The following MAPKAP1 variants were observed in gnomAD, a reference collection of about 807,000 sequenced individuals.
MAPKAP1 encodes the protein target of rapamycin complex 2 subunit MAPKAP1.
MAPKAP1 carries 20 observed loss-of-function variants against 65.7 expected under a neutral mutation model. The ratio of observed to expected loss-of-function variants is 0.30; its 90% confidence interval spans 0.21 to 0.44. The LOEUF (loss-of-function observed/expected upper bound fraction) is 0.44. Ranked by LOEUF, MAPKAP1 falls within the 20% of genes least tolerant of loss-of-function variation. The probability of loss-of-function intolerance (pLI) is 1.00; values close to 1 mark genes in which losing one functional copy is unlikely to be tolerated. For missense variants in MAPKAP1, 423 were observed against 648.0 expected, an observed-to-expected ratio of 0.65 and a Z score of 3.77; for synonymous variants, 222 against 244.3, an observed-to-expected ratio of 0.91 and a Z score of 0.85.
intron 10 of MAPKAP1, among the ~76,000 whole-genome samples, chr9:125,467,349 A>C (rs768597579): frequency 2.8e-4 from 43 of 152,344 alleles, no homozygotes; most frequent in Non-Finnish European, 4.9e-4. Context: ...ACTTAACTGC[A>C]AAAGTATAAT....
At chr9:125,692,673 A>C (rs1835205464) in intron 1 of MAPKAP1, among the ~76,000 whole-genome samples, 1 of 152,212 alleles carries the variant, frequency 6.6e-6, no homozygotes, top group Admixed American at 6.5e-5. Flanking sequence ...TTTTTAAAAA[A>C]GAAAGGGGAT....
chr9:125,685,196 T>C (rs756563277), intron 1 of MAPKAP1, among the ~76,000 whole-genome samples: 5 of 151,962 alleles, frequency 3.3e-5, no homozygotes, highest in South Asian at 2.1e-4. Context: ...GTAAATTATA[T>C]AGTGAGTTAG....
intron 10 of MAPKAP1, among the ~76,000 whole-genome samples, chr9:125,458,939 G>C (rs1293188578): frequency 1.4e-5 from 1 of 71,244 alleles, no homozygotes; most frequent in Non-Finnish European, 2.6e-5. Context: ...CCTCCCGGAC[G>C]GGGTGGCTGC....
intron 1 of MAPKAP1, among the ~76,000 whole-genome samples, chr9:125,681,619 C>T (rs1199572422): frequency 6.6e-6 from 1 of 152,238 alleles, no homozygotes; most frequent in East Asian, 1.9e-4. Flanking sequence ...GATTCTCACA[C>T]TTCTCCACGG....
chr9:125,517,016 T>C lies in MAPKAP1; in HGVS notation c.959-10599A>G, dbSNP rs115503439. On this transcript the variant is annotated intron_variant, in intron 7 of 11. Coordinates refer to ENST00000265960, the MANE Select transcript of MAPKAP1 (RefSeq NM_001006617.3). ...CTTTCCGCATCTTCATAAAACTCTA[T>C]GCGGTAGGCCCTACAATAATCCCAC... Among the ~76,000 whole-genome samples, 1,115 of 152,310 alleles carry C rather than the reference T, an allele frequency of 7.3e-3. 18 individuals carry two copies. Among genetic ancestry groups the C allele is most frequent in the African/African-American group, 0.025 (1,038 of 41,566 alleles).
chr9:125,491,485 T>G (rs186548584), intron 8 of MAPKAP1, among the ~76,000 whole-genome samples: 1 of 151,992 alleles, frequency 6.6e-6, no homozygotes, highest in Admixed American at 6.6e-5. Flanking sequence ...TTCATAAAAT[T>G]TGTCATTTGG....
intron 5 of MAPKAP1, among the ~76,000 whole-genome samples, chr9:125,569,182 G>A (rs1831154203): frequency 6.6e-6 from 1 of 152,192 alleles, no homozygotes; most frequent in Non-Finnish European, 1.5e-5. Context: ...GCCCTTGGGG[G>A]CTTGACCTTT....
Position 125,672,586 on chromosome 9 carries a change from G to A in MAPKAP1, c.-12C>T. 1.2e-6 allele frequency: 2 copies of A among 1,612,298 alleles called. No individual in the cohort carries two copies. The highest frequency in any genetic ancestry group is 1.7e-6 in the Non-Finnish European group (2 of 1,178,554). On this transcript the variant is annotated 5_prime_UTR_variant, in exon 2 of 12. Transcript: ENST00000265960. The stretch of plus-strand genomic sequence containing the variant: ...TCCAAGAAGGCCATCCTTTCTGTGG[G>A]CCAATTTCCTTAAAAGGCTATTTTC...
Position 125,669,831 on chromosome 9 carries a change from AT to A in MAPKAP1, c.335del (p.Asn112IlefsTer9), listed in dbSNP as rs1220587283. 1 of 1,559,118 alleles carries A rather than the reference AT, an allele frequency of 6.4e-7. No individual in the cohort carries two copies. Among genetic ancestry groups the A allele is most frequent in the Non-Finnish European group, 8.8e-7 (1 of 1,138,550 alleles). On this transcript the variant is annotated frameshift_variant, in exon 3 of 12. Transcript: ENST00000265960. LOFTEE classifies it high-confidence loss of function. ...ATTTCCATTTACCTGATTGCTTAGA[AT>A]TTCTTTCTTTCCACTGAATATTTTT... Reference protein sequence around the residue: ...KCKNIQWKERNSKQSAQELKS... With the variant: ...KCKNIQWKERXSKQSAQELKS...
chr9:125,497,360 T>C lies in MAPKAP1; in HGVS notation c.1066+8950A>G, dbSNP rs76076857. Among the ~76,000 whole-genome samples, 400 of 152,338 alleles carry C rather than the reference T, an allele frequency of 2.6e-3. 12 individuals carry two copies. The East Asian group carries it at 0.031, about 12-fold the overall frequency. On this transcript the variant is annotated intron_variant, in intron 8 of 11. Coordinates refer to ENST00000265960, the MANE Select transcript of MAPKAP1 (RefSeq NM_001006617.3). ...GCTGAATTAATGTTTACAGAGCAAC[T>C]GAAGTCTCTCTCTACACCACCTTCT...
intron 9 of MAPKAP1, among the ~76,000 whole-genome samples, chr9:125,484,013 T>TA (rs1378447011): frequency 6.6e-6 from 1 of 152,158 alleles, no homozygotes; most frequent in Non-Finnish European, 1.5e-5. Context: ...AGTTCCAAAT[T>TA]ATATGACGAA....
At chr9:125,456,870 GAC>G (rs200347044) in intron 10 of MAPKAP1, among the ~76,000 whole-genome samples, 9,109 of 152,226 alleles carry the variant, frequency 0.06, 810 homozygotes, top group African/African-American at 0.2. Flanking sequence ...CAAACTGTAA[GAC>G]AGTAAATGTT....
intron 3 of MAPKAP1, among the ~76,000 whole-genome samples, chr9:125,664,223 T>A (rs1588051753): frequency 6.6e-6 from 1 of 151,460 alleles, no homozygotes; most frequent in African/African-American, 2.4e-5. Context: ...GGCGGGCACC[T>A]GTAATCCCAG....
chr9:125,577,212 C>T (rs1194979759), intron 5 of MAPKAP1, among the ~76,000 whole-genome samples: 15 of 151,846 alleles, frequency 9.9e-5, no homozygotes, highest in African/African-American at 2.4e-4. Flanking sequence ...CCGGCTGCCC[C>T]GTCTGAGAAA....
intron 4 of MAPKAP1, among the ~76,000 whole-genome samples, chr9:125,620,700 C>T (rs941634056): frequency 6.6e-6 from 1 of 152,082 alleles, no homozygotes; most frequent in South Asian, 2.1e-4. Context: ...AATTCTCTGG[C>T]ACTAACAGAG....
chr9:125,639,157 C>T (rs1483923564), intron 4 of MAPKAP1, among the ~76,000 whole-genome samples: 2 of 152,204 alleles, frequency 1.3e-5, no homozygotes, highest in African/African-American at 2.4e-5. Flanking sequence ...AGGAGAACTG[C>T]TTGAACCCAG....
At chr9:125,689,866 C>A (rs914368409) in intron 1 of MAPKAP1, among the ~76,000 whole-genome samples, 12 of 152,078 alleles carry the variant, frequency 7.9e-5, no homozygotes, top group Non-Finnish European at 1.2e-4. Flanking sequence ...GTGGGCGGGT[C>A]ACCTGAGGTC....
intron 5 of MAPKAP1, among the ~76,000 whole-genome samples, chr9:125,567,157 CCCACTGTGACCCCTGCCTA>C (rs1831083006): frequency 6.6e-6 from 1 of 152,164 alleles, no homozygotes; most frequent in South Asian, 2.1e-4. Flanking sequence ...TCTCTCAATC[CCCACTGTGACCCCTGCCTA>C]CCTCTCGGTC....
intron 7 of MAPKAP1, among the ~76,000 whole-genome samples, chr9:125,515,923 CTCTA>C (rs1295291219): frequency 6.6e-6 from 1 of 152,186 alleles, no homozygotes; most frequent in South Asian, 2.1e-4. Flanking sequence ...GCACTCTTTC[CTCTA>C]TCTAAGGCTT....
Sources: gnomAD v4.1 joint callset for allele counts (sites outside exome capture counted in the v4.1 genomes callset) on GRCh38, gnomAD v4.1.1 for gene constraint, MANE v1.5 for transcripts, NCBI Gene and HGNC (gene_info 2026-07-23, HGNC 2026-07-21) for gene names.